The following NXPH1 variants were observed in gnomAD, a reference collection of about 807,000 sequenced individuals.
NXPH1 encodes neurexophilin-1.
NXPH1 carries 5 observed loss-of-function variants against 23.7 expected under a neutral mutation model. The observed-to-expected ratio is 0.21, with a 90% CI of 0.11 to 0.44. NXPH1 has a LOEUF of 0.44. Among genes scored for constraint, NXPH1 ranks in the 20% least tolerant of loss-of-function variants. The pLI is 0.99. For missense variants in NXPH1, 324 were observed against 321.6 expected (o/e 1.01, Z -0.06); for synonymous variants, 144 against 122.2 (o/e 1.18, Z -1.18).
chr7:8,740,550 C>T (rs545965384), intron 2 of NXPH1, among the ~76,000 whole-genome samples: 1 of 152,314 alleles, frequency 6.6e-6, no homozygotes, highest in South Asian at 2.1e-4. Flanking sequence ...AGCCCATTCT[C>T]TTAGTTCCTA....
chr7:8,579,995 G>A (rs1818834605), intron 2 of NXPH1, among the ~76,000 whole-genome samples: 1 of 152,208 alleles, frequency 6.6e-6, no homozygotes, highest in South Asian at 2.1e-4. Context: ...GAAACAGTGA[G>A]TGGAGAGAGA....
At chr7:8,566,216 C>A (rs957906411) in intron 2 of NXPH1, among the ~76,000 whole-genome samples, 4 of 151,970 alleles carry the variant, frequency 2.6e-5, no homozygotes, top group East Asian at 2.0e-4. Flanking sequence ...GACTCAGATA[C>A]TTGTCCAGAT....
At chr7:8,519,543 A>G (rs991634551) in intron 2 of NXPH1, among the ~76,000 whole-genome samples, 1 of 152,238 alleles carries the variant, frequency 6.6e-6, no homozygotes, top group African/African-American at 2.4e-5. Flanking sequence ...ATACAAGGAA[A>G]GAGTTCTAAT....
At chr7:8,698,500 T>C (rs1434794622) in intron 2 of NXPH1, among the ~76,000 whole-genome samples, 1 of 152,186 alleles carries the variant, frequency 6.6e-6, no homozygotes, top group Non-Finnish European at 1.5e-5. Context: ...AATTGCTATC[T>C]TATTGATTGC....
chr7:8,662,976 T>C (rs1178767388), intron 2 of NXPH1, among the ~76,000 whole-genome samples: 1 of 152,112 alleles, frequency 6.6e-6, no homozygotes, highest in Admixed American at 6.6e-5. Flanking sequence ...TTACTGATTA[T>C]AACACAGTAA....
intron 2 of NXPH1, among the ~76,000 whole-genome samples, chr7:8,741,634 T>G (rs1780364368): frequency 6.6e-6 from 1 of 152,120 alleles, no homozygotes; most frequent in African/African-American, 2.4e-5. Flanking sequence ...TTGTTTTGAT[T>G]TACAGGAAGG....
At chr7:8,635,766 A>G (rs1011193284) in intron 2 of NXPH1, among the ~76,000 whole-genome samples, 3 of 152,346 alleles carry the variant, frequency 2.0e-5, no homozygotes, top group Middle Eastern at 3.4e-3. Context: ...AACCAATGGA[A>G]AGATGAAACA....
At chr7:8,729,695 G>A (rs1405990074) in intron 2 of NXPH1, among the ~76,000 whole-genome samples, 1 of 148,726 alleles carries the variant, frequency 6.7e-6, no homozygotes, top group Non-Finnish European at 1.5e-5. Flanking sequence ...TTGCACTGTG[G>A]TCTGAGAGAT....
At chr7:8,674,192 CA>C (rs1820914041) in intron 2 of NXPH1, among the ~76,000 whole-genome samples, 12 of 144,746 alleles carry the variant, frequency 8.3e-5, no homozygotes, top group East Asian at 7.2e-4. Context: ...CACACACACA[CA>C]CACACACACA....
At chr7:8,651,191 C>A (rs1820486898) in intron 2 of NXPH1, among the ~76,000 whole-genome samples, 1 of 136,832 alleles carries the variant, frequency 7.3e-6, no homozygotes, top group African/African-American at 2.7e-5. Flanking sequence ...TCTCATTGTT[C>A]AATCCCACCT....
chr7:8,688,556 G>T (rs1339933328), intron 2 of NXPH1, among the ~76,000 whole-genome samples: 1 of 152,144 alleles, frequency 6.6e-6, no homozygotes, highest in Non-Finnish European at 1.5e-5. Context: ...AGGATTACAG[G>T]TCATTGATCT....
chr7:8,673,680 T>C (rs1479908922), intron 2 of NXPH1, among the ~76,000 whole-genome samples: 5 of 152,168 alleles, frequency 3.3e-5, no homozygotes, highest in African/African-American at 1.2e-4. Context: ...TGCATGTATG[T>C]ATGTATGATA....
chr7:8,529,883 C>T (rs1329060257), intron 2 of NXPH1, among the ~76,000 whole-genome samples: 2 of 152,132 alleles, frequency 1.3e-5, no homozygotes, highest in East Asian at 3.9e-4. Flanking sequence ...CTACCAGCTA[C>T]CTGGGTGATC....
intron 2 of NXPH1, among the ~76,000 whole-genome samples, chr7:8,631,199 C>T (rs896635640): frequency 7.9e-5 from 12 of 152,132 alleles, no homozygotes; most frequent in African/African-American, 1.9e-4. Context: ...TAGGTTAATT[C>T]CATAGTTTTG....
chr7:8,689,094 T>A (rs574273091), intron 2 of NXPH1, among the ~76,000 whole-genome samples: 17 of 152,308 alleles, frequency 1.1e-4, no homozygotes, highest in Admixed American at 8.5e-4. Flanking sequence ...TTAAAGCACG[T>A]ATTGTGCCAT....
intron 2 of NXPH1, among the ~76,000 whole-genome samples, chr7:8,655,590 G>A (rs367839032): frequency 1.4e-5 from 1 of 69,512 alleles, no homozygotes; most frequent in Non-Finnish European, 3.2e-5. Context: ...GTGTGTGTGT[G>A]TGTATGTTTA....
chr7:8,611,183 T>C (rs1819611385), intron 2 of NXPH1, among the ~76,000 whole-genome samples: 1 of 152,192 alleles, frequency 6.6e-6, no homozygotes, highest in Admixed American at 6.6e-5. Flanking sequence ...TTATGATACA[T>C]GCCATGATCA....
rs1312127260 is a variant in NXPH1 at position 8,442,561 on chromosome 7, C to A, written c.54+6794C>A. ...GTCCTCACACATTGACTTTAAAAGG[C>A]CATTTTCCTTCGTCTTCTACAAGAA... On this transcript the variant is annotated intron_variant, in intron 2 of 2. Transcript: ENST00000405863. This position sits in a 1 kb window ranked among gnomAD's most constrained non-coding sequence, Gnocchi z 4.6. 6.6e-6 allele frequency among the ~76,000 whole-genome samples: 1 copy of A among 152,230 alleles called. No individual in the cohort carries two copies. Among genetic ancestry groups the A allele is most frequent in the Admixed American group, 6.5e-5 (1 of 15,288 alleles).
chr7:8,585,902 A>G (rs1818969721), intron 2 of NXPH1, among the ~76,000 whole-genome samples: 1 of 152,108 alleles, frequency 6.6e-6, no homozygotes, highest in South Asian at 2.1e-4. Flanking sequence ...TCTTGACCTG[A>G]ATAGGTGGGT....
Sources: allele counts gnomAD v4.1 joint callset (sites outside exome capture counted in the v4.1 genomes callset), GRCh38; gene constraint gnomAD v4.1.1; non-coding constraint Gnocchi (gnomAD v3.1); transcripts MANE v1.5; gene names NCBI Gene and HGNC (gene_info 2026-07-23, HGNC 2026-07-21).